PRKCH: variants seen among roughly 807,000 people sequenced by gnomAD.
The protein encoded by PRKCH is protein kinase C eta.
PRKCH carries 28 observed loss-of-function variants against 82.5 expected under a neutral mutation model. The ratio of observed to expected loss-of-function variants is 0.34; its 90% confidence interval spans 0.25 to 0.47. The LOEUF is 0.47. PRKCH is among the 20% of genes least tolerant of loss of function. The pLI, the probability that PRKCH is intolerant of heterozygous loss-of-function variation, is 1.00. For missense variants in PRKCH, 705 were observed against 881.8 expected (o/e 0.80, Z 2.54); for synonymous variants, 322 against 327.4 (o/e 0.98, Z 0.18).
intron 1 of PRKCH, among the ~76,000 whole-genome samples, chr14:61,383,546 A>G (rs1432541613): frequency 6.6e-5 from 10 of 152,106 alleles, no homozygotes; most frequent in African/African-American, 2.4e-4. Context: ...TCCTGGCACC[A>G]GTTTCTTCCT....
At chr14:61,500,917 A>G (rs981689832) in intron 10 of PRKCH, among the ~76,000 whole-genome samples, 1 of 152,172 alleles carries the variant, frequency 6.6e-6, no homozygotes, top group Admixed American at 6.5e-5. Context: ...ATACCAGGAT[A>G]ATGTTTAAGA....
At chr14:61,252,129 T>C (rs2044952020) in intron 1 of PRKCH, among the ~76,000 whole-genome samples, 1 of 152,190 alleles carries the variant, frequency 6.6e-6, no homozygotes, top group Non-Finnish European at 1.5e-5. Context: ...TGAGCCACCG[T>C]GCCCAGCCGA....
intron 1 of PRKCH, among the ~76,000 whole-genome samples, chr14:61,233,593 C>T (rs1224935993): frequency 6.6e-6 from 1 of 152,142 alleles, no homozygotes; most frequent in Non-Finnish European, 1.5e-5. Context: ...TTGTAGTTCC[C>T]ATAATCCTCA....
At chr14:61,279,902 C>T in intron 1 of PRKCH, 1 of 597,758 alleles carries the variant, frequency 1.7e-6, no homozygotes, top group Non-Finnish European at 2.9e-6. Context: ...AGTCAACATC[C>T]CTCCCCGCGG....
chr14:61,193,473 A>G (rs1157456538), intron 1 of PRKCH, among the ~76,000 whole-genome samples: 1 of 152,206 alleles, frequency 6.6e-6, no homozygotes, highest in Admixed American at 6.5e-5. Flanking sequence ...ATTATAAACA[A>G]CATCACCTTT....
At chr14:61,390,110 A>G (rs2046652446) in intron 1 of PRKCH, among the ~76,000 whole-genome samples, 1 of 152,190 alleles carries the variant, frequency 6.6e-6, no homozygotes, top group South Asian at 2.1e-4. Flanking sequence ...GAGCCTCACA[A>G]TGCAAGGCTT....
In PRKCH at chr14:61,280,001, G is replaced by T; in HGVS notation, c.-19+92333G>T. Reference sequence around the variant, plus strand: ...ACAAAGGGAGGAAAAGCTAGGCGAGGTTGGAATTGGGTGACGGGCGAGGAG... The same window carrying T: ...ACAAAGGGAGGAAAAGCTAGGCGAGTTTGGAATTGGGTGACGGGCGAGGAG... On this transcript the variant is annotated intron_variant, in intron 1 of 3. Coordinates refer to the PRKCH transcript ENST00000555185. The surrounding 1 kb of genome is among the most constrained non-coding windows in gnomAD (Gnocchi z 5.0). 8.8e-7 allele frequency: 1 copy of T among 1,133,372 alleles called. No individual in the cohort carries two copies. The highest frequency in any genetic ancestry group is 1.2e-6 in the Non-Finnish European group (1 of 806,810). 70.2% of individuals were successfully genotyped at this position (1,133,372 alleles called of 1,614,324 possible). A position where few individuals can be genotyped will look rare whatever the true frequency, so the allele number is the denominator to read the frequency against.
intron 1 of PRKCH, among the ~76,000 whole-genome samples, chr14:61,239,369 G>T (rs4902039): frequency 6.6e-6 from 1 of 152,036 alleles, no homozygotes; most frequent in South Asian, 2.1e-4. Flanking sequence ...TTTAATGAGC[G>T]CCTGGGTGCA....
chr14:61,519,358 G>C (rs189847893), intron 10 of PRKCH, among the ~76,000 whole-genome samples: 382 of 152,206 alleles, frequency 2.5e-3, no homozygotes, highest in Non-Finnish European at 4.6e-3. Flanking sequence ...TCACTATGTT[G>C]CCTGGGATGG....
intron 1 of PRKCH, among the ~76,000 whole-genome samples, chr14:61,390,990 G>T (rs190442425): frequency 9.9e-5 from 15 of 152,124 alleles, no homozygotes; most frequent in Middle Eastern, 3.2e-3. Flanking sequence ...GCCAAAAATG[G>T]GAGAGAATAA....
chr14:61,541,433 T>C (rs368607806), intron 12 of PRKCH, among the ~76,000 whole-genome samples: 12 of 152,230 alleles, frequency 7.9e-5, no homozygotes, highest in African/African-American at 2.9e-4. Context: ...AGCCATTAAA[T>C]GCCTTTTCCC....
chr14:61,465,052 C>A (rs747946011), intron 9 of PRKCH, among the ~76,000 whole-genome samples: 1 of 152,134 alleles, frequency 6.6e-6, no homozygotes, highest in African/African-American at 2.4e-5. Flanking sequence ...CTATTCAGGT[C>A]CATTAACCAT....
At chr14:61,190,739 T>C (rs1287968900) in intron 1 of PRKCH, among the ~76,000 whole-genome samples, 5 of 152,186 alleles carry the variant, frequency 3.3e-5, no homozygotes, top group Non-Finnish European at 7.3e-5. Context: ...TCTGAGGCTC[T>C]GCACTCACTG....
At chr14:61,298,455 G>C (rs1302159641) in intron 1 of PRKCH, 1 of 151,958 alleles carries the variant, frequency 6.6e-6, no homozygotes, top group African/African-American at 2.4e-5. Flanking sequence ...ACTTACCCAG[G>C]GATGAGGGGA....
intron 9 of PRKCH, among the ~76,000 whole-genome samples, chr14:61,468,278 G>A (rs1477180613): frequency 2.0e-5 from 3 of 152,298 alleles, no homozygotes; most frequent in Admixed American, 2.0e-4. Context: ...AATAGAAAAT[G>A]AGCCAGAACA....
At chr14:61,477,480 C>T (rs1885778466) in intron 9 of PRKCH, among the ~76,000 whole-genome samples, 1 of 152,062 alleles carries the variant, frequency 6.6e-6, no homozygotes, top group Admixed American at 6.5e-5. Flanking sequence ...TAAATGGAGA[C>T]AAATCTTTGC....
intron 1 of PRKCH, among the ~76,000 whole-genome samples, chr14:61,238,390 G>T (rs4902037): frequency 0.46 from 69,419 of 152,024 alleles, 17,442 homozygotes; most frequent in African/African-American, 0.67. Flanking sequence ...AGTGTTGCTT[G>T]AGGCAATTTT....
intron 1 of PRKCH, among the ~76,000 whole-genome samples, chr14:61,207,388 C>T (rs2044535074): frequency 6.6e-6 from 1 of 152,178 alleles, no homozygotes; most frequent in Non-Finnish European, 1.5e-5. Flanking sequence ...GATTGGCACA[C>T]CCCAATACAT....
intron 1 of PRKCH, among the ~76,000 whole-genome samples, chr14:61,308,372 T>G (rs2045497574): frequency 6.6e-6 from 1 of 152,186 alleles, no homozygotes; most frequent in Non-Finnish European, 1.5e-5. Flanking sequence ...GTTTCCTGAT[T>G]TCAGTTGTTC....
Sources: allele counts gnomAD v4.1 joint callset (sites outside exome capture counted in the v4.1 genomes callset), GRCh38; gene constraint gnomAD v4.1.1; non-coding constraint Gnocchi (gnomAD v3.1); transcripts MANE v1.5; gene names NCBI Gene and HGNC (gene_info 2026-07-23, HGNC 2026-07-21).